KLHL29: variants seen among roughly 807,000 people sequenced by gnomAD.
KLHL29 encodes kelch-like protein 29.
A neutral mutation model predicts 80.4 loss-of-function variants in KLHL29; 21 were observed. The observed-to-expected ratio is 0.26, with a 90% CI of 0.19 to 0.38. The LOEUF is 0.38. KLHL29 is among the 10% of genes least tolerant of loss of function. KLHL29 has a pLI of 1.00. For synonymous variants in KLHL29, 511 were observed against 526.8 expected, an observed-to-expected ratio of 0.97 and a Z score of 0.41; for missense variants, 867 against 1,223.9, an observed-to-expected ratio of 0.71 and a Z score of 4.35.
intron 3 of KLHL29, among the ~76,000 whole-genome samples, chr2:23,622,395 GT>G (rs1669204781): frequency 6.6e-6 from 1 of 152,202 alleles, no homozygotes; most frequent in Non-Finnish European, 1.5e-5. Flanking sequence ...ATCACAGCAT[GT>G]GATCTCTCTG....
chr2:23,425,973 G>C (rs760796530), intron 1 of KLHL29, among the ~76,000 whole-genome samples: 1 of 152,182 alleles, frequency 6.6e-6, no homozygotes, highest in Non-Finnish European at 1.5e-5. Context: ...AGGCTCCCAT[G>C]TGTGCATTCT....
intron 2 of KLHL29, among the ~76,000 whole-genome samples, chr2:23,539,915 C>T (rs1666783500): frequency 6.6e-6 from 1 of 152,214 alleles, no homozygotes; most frequent in African/African-American, 2.4e-5. Context: ...TAGGCTCCAA[C>T]TTCTGTTAAG....
At chr2:23,636,524 A>T (rs1572455648) in intron 3 of KLHL29, among the ~76,000 whole-genome samples, 1 of 152,106 alleles carries the variant, frequency 6.6e-6, no homozygotes, top group East Asian at 1.9e-4. Flanking sequence ...TCGCCTGCTC[A>T]CAGCCCATCT....
intron 5 of KLHL29, among the ~76,000 whole-genome samples, chr2:23,674,976 T>C (rs1670882340): frequency 6.6e-6 from 1 of 152,130 alleles, no homozygotes; most frequent in South Asian, 2.1e-4. Flanking sequence ...GGTCCTGCCT[T>C]GACTCCCCTG....
chr2:23,494,372 G>A (rs1196067429), intron 2 of KLHL29, among the ~76,000 whole-genome samples: 4 of 152,204 alleles, frequency 2.6e-5, no homozygotes, highest in Non-Finnish European at 5.9e-5. Context: ...GGGTCAGGCA[G>A]GGAAGGGTGC....
intron 3 of KLHL29, among the ~76,000 whole-genome samples, chr2:23,566,108 T>A (rs1300519026): frequency 6.6e-6 from 1 of 152,118 alleles, no homozygotes; most frequent in Non-Finnish European, 1.5e-5. Flanking sequence ...CAGGCCTGAG[T>A]TGGTTTTTCT....
At chr2:23,465,714 A>T (rs557980965) in intron 1 of KLHL29, among the ~76,000 whole-genome samples, 2 of 152,270 alleles carry the variant, frequency 1.3e-5, no homozygotes, top group African/African-American at 4.8e-5. Flanking sequence ...AGGAGCCCAA[A>T]TGAAGACATT....
In KLHL29 at chr2:23,437,916, G is replaced by A. The variant is rs193186942; in HGVS notation, c.-153-37644G>A. On this transcript the variant is annotated intron_variant, in intron 1 of 13. Coordinates refer to ENST00000486442, the MANE Select transcript of KLHL29 (RefSeq NM_052920.2). Reference sequence around the variant, plus strand: ...TACTTTGGGCAGTATGGCCATTTTCGCAATATTGATTCTTCCTACCCATGA... The same window carrying A: ...TACTTTGGGCAGTATGGCCATTTTCACAATATTGATTCTTCCTACCCATGA... Among the ~76,000 whole-genome samples, 389 of 152,108 alleles carry A rather than the reference G, an allele frequency of 2.6e-3. 2 individuals carry two copies. Among genetic ancestry groups the A allele is most frequent in the African/African-American group, 9.1e-3 (377 of 41,498 alleles).
At position 23,706,587 on chromosome 2, in the gene KLHL29, A is replaced by G. The variant is rs1672739090; in HGVS notation, c.2551A>G (p.Thr851Ala). 2 of 1,536,734 alleles carry G rather than the reference A, an allele frequency of 1.3e-6. No individual in the cohort carries two copies. Among genetic ancestry groups the G allele is most frequent in the Non-Finnish European group, 1.7e-6 (2 of 1,146,798 alleles). ...EAYEPTTNTW[T>A]LLPHMPCPVF... ...CTACGAGCCCACAACCAACACATGG[A>G]CCCTCCTCCCCCACATGCCCTGCCC... is the stretch of plus-strand genomic sequence containing the variant. Residue 851 changes from threonine to alanine, a missense_variant, in exon 14 of 14, where the codon ACC becomes GCC. Physicochemically the swap from Thr to Ala is moderately conservative, Grantham distance 58. This residue lies in a region of KLHL29 where 443 missense variants were observed against 767.0 expected (regional missense o/e 0.58). Transcript: ENST00000486442.
chr2:23,516,066 G>A (rs1235102460), intron 2 of KLHL29, among the ~76,000 whole-genome samples: 1 of 152,196 alleles, frequency 6.6e-6, no homozygotes, highest in African/African-American at 2.4e-5. Flanking sequence ...TGGACAGCAG[G>A]GTCCCCTCTC....
chr2:23,627,798 G>A (rs1157322300), intron 3 of KLHL29, among the ~76,000 whole-genome samples: 1 of 152,118 alleles, frequency 6.6e-6, no homozygotes, highest in Non-Finnish European at 1.5e-5. Flanking sequence ...GAGTCACACA[G>A]CAGAGGTTTT....
chr2:23,611,866 G>A (rs1474615879), intron 3 of KLHL29, among the ~76,000 whole-genome samples: 19 of 144,418 alleles, frequency 1.3e-4, no homozygotes, highest in African/African-American at 4.3e-4. Flanking sequence ...ATTCAATGTC[G>A]AGTTTAACAG....
chr2:23,528,906 C>T (rs988975326), intron 2 of KLHL29, among the ~76,000 whole-genome samples: 7 of 152,204 alleles, frequency 4.6e-5, no homozygotes, highest in Admixed American at 3.3e-4. Context: ...AAGATAGAAC[C>T]GAGTCTGCAA....
intron 11 of KLHL29, chr2:23,697,954 G>T (rs1027388563): frequency 6.6e-6 from 1 of 152,206 alleles, no homozygotes; most frequent in African/African-American, 2.4e-5. Flanking sequence ...ATTCTGTCTT[G>T]CTTTTGTCGG....
At chr2:23,545,920 C>G (rs1465057329) in intron 2 of KLHL29, among the ~76,000 whole-genome samples, 1 of 152,200 alleles carries the variant, frequency 6.6e-6, no homozygotes, top group Non-Finnish European at 1.5e-5. Context: ...CTCTGCAGAC[C>G]CCTTTGTTGA....
Position 23,681,112 on chromosome 2 carries a change from A to G in KLHL29, c.941-3287A>G, listed in dbSNP as rs1283670752. Among the ~76,000 whole-genome samples, 1 of 152,248 alleles carries G rather than the reference A, an allele frequency of 6.6e-6. No homozygotes were observed. Among genetic ancestry groups the G allele is most frequent in the Admixed American group, 6.5e-5 (1 of 15,286 alleles). On this transcript the variant is annotated intron_variant, in intron 5 of 13. Transcript: ENST00000486442. This position sits in a 1 kb window ranked among gnomAD's most constrained non-coding sequence, Gnocchi z 4.2. ...GTGGATTCTGGGTCTCCCCACCGAC[A>G]GGCACAGCCTGAGAGCCTAAGCTCC...
chr2:23,517,253 A>G (rs984220095), intron 2 of KLHL29, among the ~76,000 whole-genome samples: 2 of 152,226 alleles, frequency 1.3e-5, no homozygotes, highest in Non-Finnish European at 2.9e-5. Flanking sequence ...TTTTAAAAAC[A>G]ACCTAACTAG....
intron 1 of KLHL29, among the ~76,000 whole-genome samples, chr2:23,433,607 T>C (rs1158671155): frequency 6.6e-6 from 1 of 152,124 alleles, no homozygotes; most frequent in Non-Finnish European, 1.5e-5. Flanking sequence ...CACAAAGCAA[T>C]GATGGTGTCT....
intron 2 of KLHL29, among the ~76,000 whole-genome samples, chr2:23,543,386 A>T (rs1371447222): frequency 6.6e-6 from 1 of 152,066 alleles, no homozygotes; most frequent in African/African-American, 2.4e-5. Flanking sequence ...CCTCCCCGGG[A>T]TGTGCGGGAG....
Sources: gnomAD v4.1 joint callset for allele counts (sites outside exome capture counted in the v4.1 genomes callset) on GRCh38, gnomAD v4.1.1 for gene constraint, gnomAD v4.1.1 regional missense constraint, Gnocchi (gnomAD v3.1) non-coding constraint, MANE v1.5 for transcripts, NCBI Gene and HGNC (gene_info 2026-07-23, HGNC 2026-07-21) for gene names.